The following UACA variants were observed in gnomAD, a reference collection of about 807,000 sequenced individuals.
The protein encoded by UACA is uveal autoantigen with coiled-coil domains and ankyrin repeats, also known as nuclear membrane binding protein.
A neutral mutation model predicts 160.5 loss-of-function variants in UACA; 112 were observed. The ratio of observed to expected loss-of-function variants is 0.70; its 90% CI spans 0.60 to 0.82. The LOEUF (loss-of-function observed/expected upper bound fraction) is 0.82. Among genes scored for constraint, UACA ranks in the 40% least tolerant of loss-of-function variants. The probability of loss-of-function intolerance (pLI) is 0.00; values close to 1 mark genes in which losing one functional copy is unlikely to be tolerated. For missense variants in UACA, 1,574 were observed against 1,614.6 expected (o/e 0.97, Z 0.43); for synonymous variants, 557 against 568.4 (o/e 0.98, Z 0.29).
upstream of UACA, among the ~76,000 whole-genome samples, chr15:70,767,239 CAAAAA>C (rs747903027): frequency 2.1e-5 from 1 of 46,540 alleles, no homozygotes; most frequent in African/African-American, 9.7e-5. Flanking sequence ...GACTCCATCT[CAAAAA>C]AAAAAAAAAA....
In UACA at chr15:70,660,321, C is replaced by T. The variant is rs1255321842; in HGVS notation, c.4114-105G>A. 1.4e-5 allele frequency: 13 copies of T among 913,606 alleles called. No individual in the cohort carries two copies. The South Asian group carries it at 1.4e-4, about 10-fold the overall frequency. 56.6% of individuals were successfully genotyped at this position (913,606 alleles called of 1,614,324 possible). On this transcript the variant is annotated intron_variant, in intron 17 of 18. Transcript: ENST00000322954. ...TACAAAACTATTATTATTATTAAGG[C>T]GATCCTGCTACTTCTAACAACAAAC...
At chr15:70,756,037 A>AT (rs1175823661) in intron 1 of UACA, among the ~76,000 whole-genome samples, 7 of 152,156 alleles carry the variant, frequency 4.6e-5, no homozygotes, top group Admixed American at 6.5e-5. Context: ...ATATTCATTT[A>AT]TTTTTTATAT....
chr15:70,773,320 G>A, the UACA span, among the ~76,000 whole-genome samples: 1,695 of 152,310 alleles, frequency 0.011, 26 homozygotes, highest in African/African-American at 0.039. Context: ...AGAAGCTAAT[G>A]AAAGTAGACT....
intron 1 of UACA, among the ~76,000 whole-genome samples, chr15:70,720,756 ATATT>A (rs1898965515): frequency 6.6e-6 from 1 of 152,230 alleles, no homozygotes; most frequent in Non-Finnish European, 1.5e-5. Flanking sequence ...GTGGTAGATT[ATATT>A]ACTGTTTGGT....
At chr15:70,676,195 C>G (rs918972780) in intron 13 of UACA, 2 of 208,752 alleles carry the variant, frequency 9.6e-6, no homozygotes, top group African/African-American at 4.6e-5. Flanking sequence ...TGCAAATTTA[C>G]AGGTAGAAAT....
chr15:70,668,117 C>CTCA lies in UACA; in HGVS notation c.2564_2566dup (p.Met855dup), dbSNP rs1566964634. The CTCA allele has an allele frequency of 6.2e-7, 1 of 1,613,694 alleles. No individual in the cohort carries two copies. The highest frequency in any genetic ancestry group is 2.2e-5 in the East Asian group (1 of 44,858). The stretch of plus-strand genomic sequence containing the variant: ...GGTTTTAACTGGCACATACTGATTA[C>CTCA]TCATCATCTTCTTCAAGTTAGTGTT... On this transcript the variant is annotated inframe_insertion, in exon 16 of 19. Transcript: ENST00000322954.
chr15:70,694,931 A>G, intron 3 of UACA, 86 bp downstream of exon 3: 1 of 1,056,316 alleles, frequency 9.5e-7, no homozygotes. Context: ...TCTTTATATC[A>G]CATTTAGGTC....
At chr15:70,725,067 G>A (rs1267198255) in intron 1 of UACA, among the ~76,000 whole-genome samples, 2 of 151,874 alleles carry the variant, frequency 1.3e-5, no homozygotes, top group South Asian at 2.1e-4. Flanking sequence ...ACTCTAGCCT[G>A]GGCAACACAG....
intron 17 of UACA, 135 bp from the exon 18 acceptor site, chr15:70,660,351 T>G (rs995783907): frequency 1.6e-6 from 1 of 634,556 alleles, no homozygotes; most frequent in South Asian, 2.3e-5. Flanking sequence ...ACAAACTACC[T>G]TGGACCTACC....
chr15:70,761,359 G>A (rs1198508743), intron 1 of UACA, among the ~76,000 whole-genome samples: 1 of 151,234 alleles, frequency 6.6e-6, no homozygotes, highest in Non-Finnish European at 1.5e-5. Flanking sequence ...TAAACCATGT[G>A]CTATATTACC....
At position 70,669,472 on chromosome 15, in the gene UACA, A is replaced by G; in HGVS notation, c.1222-10T>C. 2 of 1,487,684 alleles carry G rather than the reference A, an allele frequency of 1.3e-6. No individual in the cohort carries two copies. The highest frequency in any genetic ancestry group is 9.0e-7 in the Non-Finnish European group (1 of 1,116,142). The allele number at this position is 1,487,684 out of a possible 1,614,324, so 92.2% of individuals were successfully genotyped here. A position where few individuals can be genotyped will look rare whatever the true frequency, so the allele number is the denominator to read the frequency against. ...TACCTGGGGAAGTACACTGAAAAGA[A>G]AAAAAAAAAGACATCAATCACAAAA... On this transcript the variant is annotated splice_polypyrimidine_tract_variant and intron_variant, in intron 15 of 18. Coordinates refer to ENST00000322954, the MANE Select transcript of UACA (RefSeq NM_018003.4).
intron 1 of UACA, among the ~76,000 whole-genome samples, chr15:70,761,244 G>T (rs1348753614): frequency 6.6e-6 from 1 of 152,198 alleles, no homozygotes; most frequent in Non-Finnish European, 1.5e-5. Flanking sequence ...GCAAGCAACT[G>T]TATCATCAGT....
In UACA at chr15:70,695,021, A is replaced by T; in HGVS notation, c.297T>A (p.Thr99=). 1 of 1,606,484 alleles carries T rather than the reference A, an allele frequency of 6.2e-7. No individual in the cohort carries two copies. The highest frequency in any genetic ancestry group is 1.1e-5 in the South Asian group (1 of 90,120). ...IHGVDITTSD[T]AGRNALHLAA... Reference sequence around the variant, plus strand: ...TAACTATGGAGGCAAACATACCTGCAGTGTCACTGGTTGTAATATCAACTC... The same window carrying T: ...TAACTATGGAGGCAAACATACCTGCTGTGTCACTGGTTGTAATATCAACTC... The change falls in exon 3 of 19, where the codon ACT becomes ACA. Residue 99 remains threonine (T), a synonymous_variant. Transcript: ENST00000322954.
chr15:70,753,268 A>T (rs1002857841), intron 1 of UACA, among the ~76,000 whole-genome samples: 7 of 152,238 alleles, frequency 4.6e-5, no homozygotes, highest in African/African-American at 1.7e-4. Context: ...AATCAAAAAC[A>T]TGGATTAAGC....
intron 1 of UACA, chr15:70,753,994 C>G: frequency 2.6e-6 from 1 of 385,068 alleles, no homozygotes; most frequent in Non-Finnish European, 5.2e-6. Context: ...TTAGTGGAGA[C>G]AGGGTTTCAT....
intron 17 of UACA, 123 bp from the exon 18 acceptor site, chr15:70,660,339 C>A: frequency 1.3e-6 from 1 of 749,286 alleles, no homozygotes; most frequent in Non-Finnish European, 2.2e-6. Context: ...CTACTTCTAA[C>A]AACAAACTAC....
At chr15:70,762,701 A>G (rs373989801) in intron 1 of UACA, among the ~76,000 whole-genome samples, 11 of 152,204 alleles carry the variant, frequency 7.2e-5, no homozygotes, top group African/African-American at 2.6e-4. Context: ...TAGGGTCACC[A>G]CCCTGTGGGG....
intron 1 of UACA, 35 bp downstream of exon 1, chr15:70,763,295 G>GCGGAGCGCCTCGCAGCC (rs1218866188): frequency 1.5e-6 from 2 of 1,319,428 alleles, no homozygotes; most frequent in African/African-American, 1.5e-5. Context: ...TGCTCCCGGA[G>GCGGAGCGCCTCGCAGCC]CGGAGCGCCT....
At chr15:70,775,941 T>TA in the UACA span, among the ~76,000 whole-genome samples, 2,515 of 152,344 alleles carry the variant, frequency 0.017, 73 homozygotes, top group African/African-American at 0.058. Flanking sequence ...GGGTGATTGT[T>TA]ACGTGAACTT....
Sources: gnomAD v4.1 joint callset for allele counts (sites outside exome capture counted in the v4.1 genomes callset) on GRCh38, gnomAD v4.1.1 for gene constraint, MANE v1.5 for transcripts, NCBI Gene and HGNC (gene_info 2026-07-23, HGNC 2026-07-21) for gene names.